RNF144A: variants seen among roughly 807,000 people sequenced by gnomAD.
RNF144A encodes the protein E3 ubiquitin-protein ligase RNF144A.
RNF144A carries 11 observed loss-of-function variants against 38.7 expected under a neutral mutation model. The ratio of observed to expected loss-of-function variants is 0.28; its 90% CI spans 0.18 to 0.47. The LOEUF is 0.47. Ranked by LOEUF, RNF144A falls within the 20% of genes least tolerant of loss-of-function variation. The pLI is 0.99. For synonymous variants in RNF144A, 149 were observed against 143.9 expected (o/e 1.04, Z -0.25); for missense variants, 316 against 377.2 (o/e 0.84, Z 1.34).
In RNF144A at chr2:6,934,397, T is replaced by C. The variant is rs563886869; in HGVS notation, c.-211-6551T>C. Among the ~76,000 whole-genome samples, 3 of 152,358 alleles carry C rather than the reference T, an allele frequency of 2.0e-5. No individual in the cohort carries two copies. In the South Asian group the frequency reaches 6.2e-4, roughly 32 times the overall value. On this transcript the variant is annotated intron_variant, in intron 1 of 8. Transcript: ENST00000320892. ...TTTATAAATTAGAAGTATTAATTCTTCATTACATGTAATGAGAATAATTAT... is the reference window on the plus strand; with the variant it reads ...TTTATAAATTAGAAGTATTAATTCTCCATTACATGTAATGAGAATAATTAT...
At position 6,965,573 on chromosome 2, in the gene RNF144A, C is replaced by T. The variant is rs146585744; in HGVS notation, c.-12+24426C>T. Among the ~76,000 whole-genome samples the T allele has an allele frequency of 1.6e-3, 236 of 152,170 alleles. 2 individuals carry two copies. The highest frequency in any genetic ancestry group is 5.0e-3 in the South Asian group (24 of 4,816). ...AAGCGCAAACAGCGGGAAGATGGGGCGGTGACTCTGTCTCAGTGGCAAGGG... is the reference window on the plus strand; with the variant it reads ...AAGCGCAAACAGCGGGAAGATGGGGTGGTGACTCTGTCTCAGTGGCAAGGG... On this transcript the variant is annotated intron_variant, in intron 2 of 8. Coordinates refer to ENST00000320892, the MANE Select transcript of RNF144A (RefSeq NM_014746.6).
intron 6 of RNF144A, among the ~76,000 whole-genome samples, chr2:7,051,178 T>C (rs1221451636): frequency 6.6e-6 from 1 of 151,930 alleles, no homozygotes; most frequent in African/African-American, 2.4e-5. Flanking sequence ...GGGTCGGGGA[T>C]GGAGAGAGCA....
At chr2:7,047,368 AAG>A (rs1205162240), downstream of RNF144A, among the ~76,000 whole-genome samples, 3 of 152,196 alleles carry the variant, frequency 2.0e-5, no homozygotes, top group Non-Finnish European at 2.9e-5. Context: ...TGGGAAGAAA[AAG>A]AGGCTTAATT....
In RNF144A at chr2:7,039,748, G is replaced by A. The variant is rs116762840; in HGVS notation, c.867G>A (p.Pro289=). ...KCKCSKGDDD[P]LPT is the part of the protein sequence containing the mutation. Reference sequence around the variant, plus strand: ...AGTGCAGTAAAGGTGACGACGACCCGTTACCCACCTAGAGGAAGCGCGATG... The same window carrying A: ...AGTGCAGTAAAGGTGACGACGACCCATTACCCACCTAGAGGAAGCGCGATG... Residue 289 remains proline (P), a synonymous_variant, in exon 9 of 9, where the codon CCG becomes CCA. Coordinates refer to ENST00000320892, the MANE Select transcript of RNF144A (RefSeq NM_014746.6). 2.7e-4 allele frequency: 442 copies of A among 1,613,392 alleles called. 3 individuals carry two copies. In the Middle Eastern group the frequency reaches 8.9e-3, roughly 32 times the overall value.
chr2:6,971,014 C>T (rs1465776145), intron 2 of RNF144A, among the ~76,000 whole-genome samples: 1 of 152,238 alleles, frequency 6.6e-6, no homozygotes, highest in Non-Finnish European at 1.5e-5. Context: ...TTATTTGACA[C>T]ATTTTTCTTA....
chr2:6,996,710 A>C (rs392740), intron 2 of RNF144A: 2 of 552,564 alleles, frequency 3.6e-6, no homozygotes, highest in Non-Finnish European at 6.5e-6. Flanking sequence ...GCTAGATTGC[A>C]CCACTGTACT....
At position 6,962,783 on chromosome 2, in the gene RNF144A, A is replaced by G. The variant is rs1169054236; in HGVS notation, c.-12+21636A>G. Among the ~76,000 whole-genome samples, 1 of 152,186 alleles carries G rather than the reference A, an allele frequency of 6.6e-6. No individual in the cohort carries two copies. The highest frequency in any genetic ancestry group is 2.1e-4 in the South Asian group (1 of 4,830). On this transcript the variant is annotated intron_variant, in intron 2 of 8. Transcript: ENST00000320892. The surrounding 1 kb of genome is among the most constrained non-coding windows in gnomAD (Gnocchi z 4.1). ...CCAGAGGCAGGGCAATACCTTTTCC[A>G]TTACTGAGCACAGGCATTCATGCAC...
At chr2:6,940,065 A>G (rs1285702122) in intron 1 of RNF144A, among the ~76,000 whole-genome samples, 2 of 152,138 alleles carry the variant, frequency 1.3e-5, no homozygotes, top group Non-Finnish European at 2.9e-5. Flanking sequence ...GAATTTTAGG[A>G]TCAGCTTGTC....
At chr2:6,975,870 T>A (rs974162485) in intron 2 of RNF144A, among the ~76,000 whole-genome samples, 4 of 152,246 alleles carry the variant, frequency 2.6e-5, no homozygotes, top group African/African-American at 9.6e-5. Context: ...TTTATGTGAA[T>A]ACAAATAAGT....
chr2:6,987,365 GGT>G (rs141792418), intron 2 of RNF144A, among the ~76,000 whole-genome samples: 4 of 151,406 alleles, frequency 2.6e-5, no homozygotes, highest in South Asian at 4.2e-4. Flanking sequence ...GGGTTTCTGG[GGT>G]GTGTGTGTGT....
At chr2:7,044,413 A>G (rs1481098414), downstream of RNF144A, among the ~76,000 whole-genome samples, 2 of 152,200 alleles carry the variant, frequency 1.3e-5, no homozygotes. Flanking sequence ...CCTAGATGCC[A>G]AAATTACTTG....
At chr2:7,057,245 T>C (rs1487555696) in intron 6 of RNF144A, among the ~76,000 whole-genome samples, 1 of 152,236 alleles carries the variant, frequency 6.6e-6, no homozygotes, top group African/African-American at 2.4e-5. Flanking sequence ...AAGTTATTGA[T>C]GATTAACCTG....
At chr2:6,965,500 C>A (rs1214046741) in intron 2 of RNF144A, among the ~76,000 whole-genome samples, 1 of 152,168 alleles carries the variant, frequency 6.6e-6, no homozygotes, top group Non-Finnish European at 1.5e-5. Context: ...GGACCAGTGC[C>A]TTCTAGAGGG....
At position 7,042,803 on chromosome 2, in the gene RNF144A, C is replaced by T; in HGVS notation, c.*3043C>T. The T allele has an allele frequency of 1.0e-6, 1 of 985,442 alleles. No homozygotes were observed. The highest frequency in any genetic ancestry group is 1.2e-6 in the Non-Finnish European group (1 of 829,932). 61.0% of individuals were successfully genotyped at this position (985,442 alleles called of 1,614,324 possible). A position where few individuals can be genotyped will look rare whatever the true frequency, so the allele number is the denominator to read the frequency against. On this transcript the variant is annotated 3_prime_UTR_variant, in exon 9 of 9. Transcript: ENST00000320892. ...GAATAACTGTCCAAATTAGTTCTTC[C>T]TCCTCAACTCATAGGAGTAGCTGTG...
At chr2:6,959,504 G>A (rs1387995243) in intron 2 of RNF144A, among the ~76,000 whole-genome samples, 1 of 152,170 alleles carries the variant, frequency 6.6e-6, no homozygotes, top group Non-Finnish European at 1.5e-5. Context: ...AAGAAAAGAA[G>A]TTTATTTCTC....
At chr2:6,973,803 C>T (rs1030443089) in intron 2 of RNF144A, among the ~76,000 whole-genome samples, 4 of 152,236 alleles carry the variant, frequency 2.6e-5, no homozygotes, top group African/African-American at 7.2e-5. Context: ...TAAGGCTTCA[C>T]GGGCACACGG....
chr2:6,999,402 G>A (rs1181706511), intron 3 of RNF144A, among the ~76,000 whole-genome samples: 1 of 152,194 alleles, frequency 6.6e-6, no homozygotes, highest in Non-Finnish European at 1.5e-5. Context: ...ATGGGGAGGA[G>A]CCCTGAGTCT....
chr2:7,041,159 A>T lies in RNF144A; in HGVS notation c.*1399A>T, dbSNP rs1321411215. The stretch of plus-strand genomic sequence containing the variant: ...TGTAGCTATATTACAGTGGGATTTT[A>T]AAAATCTTGTTAAACATTCTATAAA... On this transcript the variant is annotated 3_prime_UTR_variant, in exon 9 of 9. Transcript: ENST00000320892. 1.0e-6 allele frequency: 1 copy of T among 981,450 alleles called. No individual in the cohort carries two copies. The highest frequency in any genetic ancestry group is 6.1e-5 in the Admixed American group (1 of 16,270). The allele number at this position is 981,450 out of a possible 1,614,324, so 60.8% of individuals were successfully genotyped here. A position where few individuals can be genotyped will look rare whatever the true frequency, so the allele number is the denominator to read the frequency against.
chr2:7,057,036 G>A (rs139703604), intron 6 of RNF144A, among the ~76,000 whole-genome samples: 198 of 152,264 alleles, frequency 1.3e-3, no homozygotes, highest in African/African-American at 4.6e-3. Context: ...TGCCAGTCTG[G>A]TGTTTATCAG....
Sources: gnomAD v4.1 joint callset for allele counts (sites outside exome capture counted in the v4.1 genomes callset) on GRCh38, gnomAD v4.1.1 for gene constraint, Gnocchi (gnomAD v3.1) non-coding constraint, MANE v1.5 for transcripts, NCBI Gene and HGNC (gene_info 2026-07-23, HGNC 2026-07-21) for gene names.